The following PSG6 variants were observed in gnomAD, a reference collection of about 807,000 sequenced individuals.
PSG6 encodes the protein pregnancy specific beta-1-glycoprotein 6, also known as pregnancy-specific beta-1-glycoprotein 6.
PSG6 carries 51 observed loss-of-function variants against 43.3 expected under a neutral mutation model. The observed-to-expected ratio is 1.18, with a 90% CI of 0.94 to 1.49. The LOEUF is 1.49. Ranked by LOEUF, PSG6 falls within the 40% of genes most tolerant of loss-of-function variation. The pLI, the probability that PSG6 is intolerant of heterozygous loss-of-function variation, is 0.00. For synonymous variants in PSG6, 292 were observed against 197.6 expected, an observed-to-expected ratio of 1.48 and a Z score of -4.01; for missense variants, 770 against 522.2, an observed-to-expected ratio of 1.47 and a Z score of -4.62.
chr19:42,907,143 A>T lies in PSG6; in HGVS notation c.1019T>A (p.Phe340Tyr), dbSNP rs182317019. The change falls in exon 5 of 6, where the codon TTC becomes TAC. Residue 340 changes from phenylalanine (F) to tyrosine (Y), a missense_variant. Transcript: ENST00000187910. ...GPDLPRIYPS[F>Y]TYYRSGENLD... The stretch of plus-strand genomic sequence containing the variant: ...GTTTTCTCCTGAACGGTAATAGGTG[A>T]ATGAAGGGTAAATTCTGGGGAGGTC... The T allele has an allele frequency of 6.2e-7, 1 of 1,612,558 alleles. No homozygotes were observed. Among genetic ancestry groups the T allele is most frequent in the East Asian group, 2.2e-5 (1 of 44,812 alleles).
Position 42,907,833 on chromosome 19 carries a change from A to G in PSG6, c.728T>C (p.Ile243Thr), listed in dbSNP as rs1568443225. The change falls in exon 4 of 6, where the codon ATC becomes ACC. Residue 243 changes from isoleucine to threonine, a missense_variant. Transcript: ENST00000187910. ...NLLPKLPMPY[I>T]TINNLNPREK... is the part of the protein sequence containing the mutation. ...CCTGGGGTTTAAGTTGTTGATGGTG[A>G]TGTAAGGCATGGGCAGCTTCGCTGT... The G allele has an allele frequency of 6.2e-7, 1 of 1,611,558 alleles. No individual in the cohort carries two copies. Among genetic ancestry groups the G allele is most frequent in the Non-Finnish European group, 8.5e-7 (1 of 1,179,042 alleles).
rs1426209617 is a variant in PSG6, at chr19:42,910,654, G to A, written c.632C>T (p.Ala211Val). ...LYLFGVTKYI[A>V]GPYECEIRNP... ...CCGTATTTCACATTCATAGGGTCCT[G>A]CAATATACTTTGTGACACCAAATAG... Residue 211 changes from alanine to valine, a missense_variant, in exon 3 of 6, where the codon GCA (alanine) becomes GTA (valine). Coordinates refer to ENST00000187910, the MANE Select transcript of PSG6 (RefSeq NM_001031850.4). 1.9e-6 allele frequency: 3 copies of A among 1,612,288 alleles called. No homozygotes were observed. The East Asian group carries it at 6.7e-5, about 36-fold the overall frequency.
At chr19:42,911,004 T>G (rs566996048) in intron 2 of PSG6, 146 bp from the exon 3 acceptor site, 4 of 1,460,156 alleles carry the variant, frequency 2.7e-6, no homozygotes, top group Admixed American at 2.3e-5. Flanking sequence ...ACAAGACAGA[T>G]GCATGGCAAC....
intron 5 of PSG6, 79 bp from the exon 6 acceptor site, chr19:42,902,525 C>T (rs370363268): frequency 6.3e-7 from 1 of 1,576,964 alleles, no homozygotes; most frequent in Non-Finnish European, 8.6e-7. Context: ...CCCACAGGCT[C>T]CCAGCAAGGG....
In PSG6 at chr19:42,907,075, A is replaced by T; in HGVS notation, c.1087T>A (p.Tyr363Asn). ...CFADSNPPAE[Y>N]SWTINGKFQL... Reference sequence around the variant, plus strand: ...AACTTCCCATTAATTGTCCAAGAATACTCTGCCGGTGGGTTAGAGTCCGCA... The same window carrying T: ...AACTTCCCATTAATTGTCCAAGAATTCTCTGCCGGTGGGTTAGAGTCCGCA... Residue 363 changes from tyrosine (Y) to asparagine (N), a missense_variant, in exon 5 of 6, where the codon TAT (tyrosine) becomes AAT (asparagine). Coordinates refer to ENST00000187910, the MANE Select transcript of PSG6 (RefSeq NM_001031850.4). 1 of 1,612,584 alleles carries T rather than the reference A, an allele frequency of 6.2e-7. No individual in the cohort carries two copies. Among genetic ancestry groups the T allele is most frequent in the Non-Finnish European group, 8.5e-7 (1 of 1,179,236 alleles).
At position 42,917,715 on chromosome 19, in the gene PSG6, A is replaced by G. The variant is rs1347977472; in HGVS notation, c.64+14T>C. 6.2e-6 allele frequency: 10 copies of G among 1,608,788 alleles called. No individual in the cohort carries two copies. Among genetic ancestry groups the G allele is most frequent in the East Asian group, 2.2e-5 (1 of 44,618 alleles). On this transcript the variant is annotated intron_variant, in intron 1 of 5. Coordinates refer to ENST00000187910, the MANE Select transcript of PSG6 (RefSeq NM_001031850.4). Reference sequence around the variant, plus strand: ...TTCCTCCTCCTGTCCTCTCCCAGGAAGTCCTCTCCTCACCTGTGAGCAGGA... The same window carrying G: ...TTCCTCCTCCTGTCCTCTCCCAGGAGGTCCTCTCCTCACCTGTGAGCAGGA...
At chr19:42,917,075 G>T (rs1568448835) in intron 1 of PSG6, among the ~76,000 whole-genome samples, 2 of 150,764 alleles carry the variant, frequency 1.3e-5, no homozygotes, top group East Asian at 2.0e-4. Flanking sequence ...TGCCCTGGGT[G>T]TTTTTTTTCC....
intron 5 of PSG6, among the ~76,000 whole-genome samples, chr19:42,905,089 G>C (rs755650919): frequency 5.9e-5 from 9 of 151,592 alleles, no homozygotes; most frequent in South Asian, 2.1e-4. Flanking sequence ...AGGGCAAGAA[G>C]AGTGGAACCT....
chr19:42,911,138 G>A (rs1020136689), intron 2 of PSG6, among the ~76,000 whole-genome samples: 14 of 151,546 alleles, frequency 9.2e-5, no homozygotes, highest in African/African-American at 3.4e-4. Context: ...ACAGCCCCTG[G>A]TGCCTCTCTG....
At chr19:42,906,274 C>T (rs1255259063) in intron 5 of PSG6, among the ~76,000 whole-genome samples, 1 of 151,572 alleles carries the variant, frequency 6.6e-6, no homozygotes, top group East Asian at 1.9e-4. Flanking sequence ...CTGAAGCTCC[C>T]TCTCTTCTTA....
At chr19:42,902,474 C>T in intron 5 of PSG6, 28 bp from the exon 6 acceptor site, 2 of 1,607,706 alleles carry the variant, frequency 1.2e-6, no homozygotes, top group Non-Finnish European at 1.7e-6. Flanking sequence ...CAGGTCAGCG[C>T]ATTTCAAATT....
Position 42,914,952 on chromosome 19 carries a change from G to A in PSG6, c.427+1173C>T, listed in dbSNP as rs1177660484. 4.5e-4 allele frequency among the ~76,000 whole-genome samples: 69 copies of A among 151,722 alleles called. 1 individual carries two copies. The highest frequency in any genetic ancestry group is 2.2e-3 in the Admixed American group (34 of 15,198). On this transcript the variant is annotated intron_variant, in intron 2 of 5. Coordinates refer to ENST00000187910, the MANE Select transcript of PSG6 (RefSeq NM_001031850.4). ...GGACATTTTTTTTGCACTGACTCTG[G>A]CGGTTGAAGCCAGTGATTTAGTTCT...
chr19:42,908,265 C>G (rs1972156734), intron 3 of PSG6, among the ~76,000 whole-genome samples: 1 of 151,692 alleles, frequency 6.6e-6, no homozygotes, highest in African/African-American at 2.4e-5. Context: ...TCTGCAGCTT[C>G]CATTTCCAAG....
intron 2 of PSG6, among the ~76,000 whole-genome samples, chr19:42,913,485 G>A (rs1972266489): frequency 6.6e-6 from 1 of 151,684 alleles, no homozygotes; most frequent in Admixed American, 6.6e-5. Context: ...TTTTGAGTTT[G>A]TTCAGCTTTT....
chr19:42,917,689 C>T lies in PSG6; in HGVS notation c.64+40G>A, dbSNP rs1271026564. 8.1e-6 allele frequency: 13 copies of T among 1,604,866 alleles called. 1 individual carries two copies. The Middle Eastern group carries it at 1.3e-3, about 164-fold the overall frequency. On this transcript the variant is annotated intron_variant, in intron 1 of 5. Coordinates refer to ENST00000187910, the MANE Select transcript of PSG6 (RefSeq NM_001031850.4). ...CAGGATACCCCATCCAGTCACTCTG[C>T]TTCCTCCTCCTGTCCTCTCCCAGGA...
intron 2 of PSG6, chr19:42,915,565 A>G (rs1600550310): frequency 1.9e-5 from 3 of 160,198 alleles, no homozygotes; most frequent in Admixed American, 1.8e-4. Flanking sequence ...CCTTGCCCAG[A>G]TGAGGCTCTG....
In PSG6 at chr19:42,915,851, G is replaced by A. The variant is rs1275279253; in HGVS notation, c.427+274C>T. ...GTCAAATTTATGAAGAGGGCATGAG[G>A]TGCTTGGCTGAGACTGATCTCCTCC... is the stretch of plus-strand genomic sequence containing the variant. On this transcript the variant is annotated intron_variant, in intron 2 of 5. Transcript: ENST00000187910. 1.8e-5 allele frequency: 10 copies of A among 563,804 alleles called. 1 individual carries two copies. Among genetic ancestry groups the A allele is most frequent in the African/African-American group, 1.2e-4 (6 of 51,144 alleles). The allele number at this position is 563,804 out of a possible 1,614,324, so 34.9% of individuals were successfully genotyped here.
At chr19:42,907,384 C>T (rs762431118) in intron 4 of PSG6, among the ~76,000 whole-genome samples, 192 bp downstream of exon 4, 13 of 151,886 alleles carry the variant, frequency 8.6e-5, no homozygotes, top group African/African-American at 1.9e-4. Flanking sequence ...ATGACAAGAG[C>T]GCCCCTCCCC....
chr19:42,906,056 A>G (rs1358053394), intron 5 of PSG6, among the ~76,000 whole-genome samples: 1 of 151,618 alleles, frequency 6.6e-6, no homozygotes, highest in Admixed American at 6.6e-5. Context: ...TATTAGATAT[A>G]TATAAAGTGT....
Sources: gnomAD v4.1 joint callset for allele counts (sites outside exome capture counted in the v4.1 genomes callset) on GRCh38, gnomAD v4.1.1 for gene constraint, MANE v1.5 for transcripts, NCBI Gene and HGNC (gene_info 2026-07-23, HGNC 2026-07-21) for gene names.